Variants in ZSCAN5A observed in about 807,000 individuals in gnomAD.
ZSCAN5A encodes zinc finger and SCAN domain containing 5A.
In ZSCAN5A, 12 loss-of-function variants were observed where a neutral mutation model predicts 23.7. The observed-to-expected ratio is 0.51, with a 90% CI of 0.32 to 0.82. The LOEUF is 0.82. ZSCAN5A is among the 40% of genes least tolerant of loss of function. The pLI, the probability that ZSCAN5A is intolerant of heterozygous loss-of-function variation, is 0.03. For missense variants in ZSCAN5A, 597 were observed against 617.9 expected (o/e 0.97, Z 0.36); for synonymous variants, 257 against 239.9 (o/e 1.07, Z -0.66).
intron 2 of ZSCAN5A, chr19:56,281,658 G>C: frequency 1.0e-6 from 1 of 983,958 alleles, no homozygotes; most frequent in Middle Eastern, 5.2e-4. Context: ...TTTCCATGTT[G>C]ATTCACTGGC....
chr19:56,306,446 TC>T (rs1398224790), intron 2 of ZSCAN5A, among the ~76,000 whole-genome samples: 1 of 4,876 alleles, frequency 2.1e-4, no homozygotes. Flanking sequence ...GCAAAGAGGG[TC>T]CCCCCCGGCC....
At chr19:56,227,671 C>G (rs540137397) in intron 2 of ZSCAN5A, among the ~76,000 whole-genome samples, 1 of 152,222 alleles carries the variant, frequency 6.6e-6, no homozygotes, top group South Asian at 2.1e-4. Context: ...GGACACTTAG[C>G]TCAGATTCTC....
intron 2 of ZSCAN5A, chr19:56,284,157 C>T (rs2038928290): frequency 2.0e-6 from 2 of 985,384 alleles, no homozygotes; most frequent in Admixed American, 1.2e-4. Context: ...CGCATGTAAC[C>T]TTGGCCACCA....
chr19:56,244,267 C>G, intron 2 of ZSCAN5A: 1 of 1,607,990 alleles, frequency 6.2e-7, no homozygotes. Context: ...GGCTGAGGCC[C>G]GACCTCCACA....
chr19:56,258,415 T>C (rs1405902813), intron 2 of ZSCAN5A, among the ~76,000 whole-genome samples: 1 of 108,988 alleles, frequency 9.2e-6, no homozygotes, highest in Admixed American at 9.2e-5. Flanking sequence ...AGTGTGGGGG[T>C]GACGGACACG....
intron 2 of ZSCAN5A, among the ~76,000 whole-genome samples, chr19:56,324,523 G>T (rs919430098): frequency 6.6e-6 from 1 of 151,610 alleles, no homozygotes; most frequent in African/African-American, 2.4e-5. Flanking sequence ...GGGAACCCTC[G>T]TACAATGTTG....
intron 2 of ZSCAN5A, chr19:56,297,445 T>G (rs928661969): frequency 2.7e-6 from 2 of 741,424 alleles, no homozygotes; most frequent in Admixed American, 6.3e-5. Flanking sequence ...CTCCCTTTCT[T>G]CCTTTCCTCT....
intron 2 of ZSCAN5A, chr19:56,283,913 G>A (rs1337425854): frequency 6.6e-6 from 1 of 150,916 alleles, no homozygotes; most frequent in Admixed American, 6.6e-5. Flanking sequence ...AACGGTTCAT[G>A]ATTACTGTCC....
At chr19:56,323,533 C>CTTTTT (rs35501936) in intron 2 of ZSCAN5A, among the ~76,000 whole-genome samples, 1 of 123,664 alleles carries the variant, frequency 8.1e-6, no homozygotes, top group Non-Finnish European at 1.7e-5. Flanking sequence ...TGAGGCAGAA[C>CTTTTT]TTTTTTTTTT....
intron 2 of ZSCAN5A, among the ~76,000 whole-genome samples, chr19:56,289,585 G>A (rs1893266376): frequency 1.3e-5 from 2 of 152,258 alleles, no homozygotes; most frequent in South Asian, 4.2e-4. Flanking sequence ...CCACACAAAT[G>A]TTTCTCTTGT....
intron 2 of ZSCAN5A, among the ~76,000 whole-genome samples, chr19:56,248,805 T>A (rs1215666090): frequency 2.0e-5 from 3 of 151,968 alleles, no homozygotes; most frequent in Admixed American, 6.6e-5. Context: ...CTAGACTCCC[T>A]CCCCACACGG....
Position 56,221,694 on chromosome 19 carries a change from G to A in ZSCAN5A, c.1372C>T (p.His458Tyr). The change falls in exon 6 of 6, where the codon CAC becomes TAC. Residue 458 changes from histidine (H) to tyrosine (Y), a missense_variant. This residue lies in a region of ZSCAN5A where 87 missense variants were observed against 74.4 expected (regional missense o/e 1.17). Coordinates refer to ENST00000683990, the MANE Select transcript of ZSCAN5A (RefSeq NM_001322064.3). ...TTCTCTCCGGAGTGGATGCGCTGGT[G>A]CTCCTTCAGGCTCCCCCTGTAGGTG... ...VFTYRGSLKE[H>Y]QRIHSGEKPY... 2 of 1,614,192 alleles carry A rather than the reference G, an allele frequency of 1.2e-6. No individual in the cohort carries two copies. Among genetic ancestry groups the A allele is most frequent in the Non-Finnish European group, 1.7e-6 (2 of 1,180,040 alleles).
intron 1 of ZSCAN5A, among the ~76,000 whole-genome samples, chr19:56,366,967 T>A (rs2041771505): frequency 6.6e-6 from 1 of 152,052 alleles, no homozygotes; most frequent in Non-Finnish European, 1.5e-5. Flanking sequence ...GATTGAAGAT[T>A]TTACTTAACT....
intron 2 of ZSCAN5A, among the ~76,000 whole-genome samples, chr19:56,344,889 G>A (rs1479025111): frequency 4.6e-5 from 5 of 109,228 alleles, no homozygotes; most frequent in Admixed American, 1.4e-4. Context: ...CGGCCTGGGC[G>A]ACAGAGCGAG....
intron 2 of ZSCAN5A, among the ~76,000 whole-genome samples, chr19:56,238,014 CGTCAAAGAA>C (rs1568627792): frequency 7.3e-3 from 8 of 1,100 alleles, no homozygotes; most frequent in Admixed American, 0.029. Flanking sequence ...TACACACACA[CGTCAAAGAA>C]ACAAAAAGCA....
At chr19:56,255,904 A>T (rs1024816871) in intron 2 of ZSCAN5A, among the ~76,000 whole-genome samples, 2 of 152,194 alleles carry the variant, frequency 1.3e-5, no homozygotes, top group Admixed American at 6.5e-5. Flanking sequence ...GGGCTTATTT[A>T]AAAAACAGTA....
At position 56,339,893 on chromosome 19, in the gene ZSCAN5A, G is replaced by T. The variant is rs143345977; in HGVS notation, c.-358+23342C>A. 6.6e-5 allele frequency among the ~76,000 whole-genome samples: 10 copies of T among 152,348 alleles called. No individual in the cohort carries two copies. The East Asian group carries it at 1.9e-3, about 29-fold the overall frequency. On this transcript the variant is annotated intron_variant, in intron 2 of 6. Transcript: ENST00000587340. ...AAAGGAGGAATTGCAGCCATATTTAGCCTGTGGGCCAAGATTTGCCTGCCC... is the reference window on the plus strand; with the variant it reads ...AAAGGAGGAATTGCAGCCATATTTATCCTGTGGGCCAAGATTTGCCTGCCC...
rs766521204 is a variant in ZSCAN5A at position 56,222,246 on chromosome 19, C to T, written c.820G>A (p.Ala274Thr). ...VENVDADTPS[A>T]CVVEREASTH... ...GAAGCTTCTCTCTCCACAACGCAGG[C>T]AGAAGGTGTGTCAGCATCCACATTT... The change falls in exon 6 of 6, where the codon GCC (alanine) becomes ACC (threonine). Residue 274 changes from alanine to threonine, a missense_variant. By Grantham distance (58) the Ala-to-Thr change is moderately conservative. This residue lies in a region of ZSCAN5A where 406 missense variants were observed against 353.2 expected (regional missense o/e 1.15). Coordinates refer to ENST00000683990, the MANE Select transcript of ZSCAN5A (RefSeq NM_001322064.3). 5.6e-6 allele frequency: 9 copies of T among 1,613,880 alleles called. No individual in the cohort carries two copies. The Middle Eastern group carries it at 5.0e-4, about 89-fold the overall frequency.
rs78470743 is a variant in ZSCAN5A, at chr19:56,293,104, T to C, written c.-128+20179A>G. Among the ~76,000 whole-genome samples the C allele has an allele frequency of 9.0e-3, 1,367 of 152,274 alleles. 20 individuals carry two copies. The highest frequency in any genetic ancestry group is 0.031 in the African/African-American group (1,304 of 41,540). ...CACCCACCTCCAAACCCCACTTCTA[T>C]GCAGCTTGAGCCTCAGTGAAACCCA... On this transcript the variant is annotated intron_variant, in intron 2 of 5. Coordinates refer to ENST00000683990, the MANE Select transcript of ZSCAN5A (RefSeq NM_001322064.3).
Sources: gnomAD v4.1 joint callset for allele counts (sites outside exome capture counted in the v4.1 genomes callset) on GRCh38, gnomAD v4.1.1 for gene constraint, gnomAD v4.1.1 regional missense constraint, MANE v1.5 for transcripts, NCBI Gene and HGNC (gene_info 2026-07-23, HGNC 2026-07-21) for gene names.